The following ZFAND3 variants were observed in gnomAD, a reference collection of about 807,000 sequenced individuals.
The protein encoded by ZFAND3 is zinc finger AN1-type containing 3, also known as AN1-type zinc finger protein 3.
Under a neutral mutation model 29.6 loss-of-function variants are expected in ZFAND3, and 10 were observed. The observed-to-expected ratio is 0.34, with a 90% CI of 0.21 to 0.57. The LOEUF is 0.57. Ranked by LOEUF, ZFAND3 falls within the 20% of genes least tolerant of loss-of-function variation. The pLI, the probability that ZFAND3 is intolerant of heterozygous loss-of-function variation, is 0.86. For missense variants in ZFAND3, 230 were observed against 304.5 expected (o/e 0.76, Z 1.82); for synonymous variants, 128 against 112.6 (o/e 1.14, Z -0.87).
intron 2 of ZFAND3, among the ~76,000 whole-genome samples, chr6:37,998,012 A>G (rs138103750): frequency 1.3e-5 from 2 of 152,356 alleles, no homozygotes; most frequent in East Asian, 3.9e-4. Flanking sequence ...AAAAACCTGC[A>G]TATGAATGTT....
Position 37,835,454 on chromosome 6 carries a change from G to T in ZFAND3, c.71+15438G>T, listed in dbSNP as rs1376343348. Among the ~76,000 whole-genome samples the T allele has an allele frequency of 2.0e-5, 3 of 147,396 alleles. No individual in the cohort carries two copies. The East Asian group carries it at 6.0e-4, about 29-fold the overall frequency. Reference sequence around the variant, plus strand: ...TTACAGGCGTGAGCCACCATGCCTGGCCTGTAAGAGTTTTTTTTTTTTTTT... The same window carrying T: ...TTACAGGCGTGAGCCACCATGCCTGTCCTGTAAGAGTTTTTTTTTTTTTTT... On this transcript the variant is annotated intron_variant, in intron 1 of 5. Coordinates refer to ENST00000287218, the MANE Select transcript of ZFAND3 (RefSeq NM_021943.3).
At chr6:38,109,041 T>G (rs1284933085) in intron 4 of ZFAND3, among the ~76,000 whole-genome samples, 1 of 151,874 alleles carries the variant, frequency 6.6e-6, no homozygotes, top group African/African-American at 2.4e-5. Context: ...GTGTCCTCTC[T>G]CAACACTCGT....
chr6:37,826,668 G>C (rs751390581), intron 1 of ZFAND3, among the ~76,000 whole-genome samples: 1 of 151,674 alleles, frequency 6.6e-6, no homozygotes, highest in Non-Finnish European at 1.5e-5. Flanking sequence ...CAGTAGATTC[G>C]CTTGAATCCA....
At chr6:37,996,022 G>A (rs534739898) in intron 2 of ZFAND3, among the ~76,000 whole-genome samples, 73 of 151,844 alleles carry the variant, frequency 4.8e-4, no homozygotes, top group African/African-American at 1.6e-3. Context: ...CCAGCTACTC[G>A]GGAAGCTCAG....
At chr6:38,100,981 A>G (rs749877389) in intron 4 of ZFAND3, among the ~76,000 whole-genome samples, 2 of 152,204 alleles carry the variant, frequency 1.3e-5, no homozygotes, top group Non-Finnish European at 2.9e-5. Flanking sequence ...TAAAATCGGA[A>G]TTATTTTACA....
Position 37,881,822 on chromosome 6 carries a change from G to C in ZFAND3, c.72-48137G>C, listed in dbSNP as rs536861576. ...GTAGGCAAGAGTAGAGTTGAATGCT[G>C]TTTGTATTTAGAATTTCAACAATTT... is the stretch of plus-strand genomic sequence containing the variant. On this transcript the variant is annotated intron_variant, in intron 1 of 5. Coordinates refer to ENST00000287218, the MANE Select transcript of ZFAND3 (RefSeq NM_021943.3). Among the ~76,000 whole-genome samples the C allele has an allele frequency of 4.6e-5, 7 of 151,908 alleles. 1 individual carries two copies. The East Asian group carries it at 1.4e-3, about 29-fold the overall frequency.
At chr6:37,981,732 T>C (rs949116402) in intron 2 of ZFAND3, among the ~76,000 whole-genome samples, 2 of 152,208 alleles carry the variant, frequency 1.3e-5, no homozygotes, top group Admixed American at 6.5e-5. Flanking sequence ...ACATGAGTTG[T>C]GTAAACCGAA....
At chr6:37,828,462 A>G (rs753134027) in intron 1 of ZFAND3, among the ~76,000 whole-genome samples, 4 of 152,232 alleles carry the variant, frequency 2.6e-5, no homozygotes, top group Non-Finnish European at 5.9e-5. Flanking sequence ...GAAAAGATTT[A>G]CGATGAGACA....
At chr6:37,945,760 T>A (rs1761890088) in intron 2 of ZFAND3, among the ~76,000 whole-genome samples, 1 of 152,238 alleles carries the variant, frequency 6.6e-6, no homozygotes, top group African/African-American at 2.4e-5. Flanking sequence ...AATGAATGTC[T>A]TGTCTAAAAC....
At chr6:37,976,008 T>C (rs924117296) in intron 2 of ZFAND3, among the ~76,000 whole-genome samples, 4 of 152,218 alleles carry the variant, frequency 2.6e-5, no homozygotes, top group Admixed American at 6.5e-5. Context: ...CAATCTATGA[T>C]AGAAGTGATC....
chr6:38,040,360 T>TAAGAA, intron 2 of ZFAND3, among the ~76,000 whole-genome samples: 1 of 152,312 alleles, frequency 6.6e-6, no homozygotes, highest in South Asian at 2.1e-4. Context: ...TGTGACTGGC[T>TAAGAA]TATTTCACTT....
intron 2 of ZFAND3, among the ~76,000 whole-genome samples, chr6:38,017,901 C>T (rs557462974): frequency 6.6e-6 from 1 of 152,040 alleles, no homozygotes; most frequent in Non-Finnish European, 1.5e-5. Context: ...GGTATTGTCC[C>T]CTCCCCCAAG....
Position 38,053,885 on chromosome 6 carries a change from C to G in ZFAND3, c.113-7708C>G, listed in dbSNP as rs148749754. On this transcript the variant is annotated intron_variant, in intron 2 of 5. Transcript: ENST00000287218. ...AGATAATTCCTGGCTTCTGACTATT[C>G]TCTATGTGAATGTTGATATCATCTG... 4.5e-3 allele frequency among the ~76,000 whole-genome samples: 680 copies of G among 151,610 alleles called. 4 individuals carry two copies. Among genetic ancestry groups the G allele is most frequent in the Non-Finnish European group, 6.9e-3 (468 of 67,990 alleles).
At chr6:38,141,818 T>A (rs1377339945) in intron 5 of ZFAND3, among the ~76,000 whole-genome samples, 3 of 152,190 alleles carry the variant, frequency 2.0e-5, no homozygotes, top group Non-Finnish European at 4.4e-5. Context: ...ATGCCAAGCA[T>A]GTCAGCTGCA....
At chr6:37,836,111 A>G (rs548805964) in intron 1 of ZFAND3, among the ~76,000 whole-genome samples, 1 of 152,354 alleles carries the variant, frequency 6.6e-6, no homozygotes, top group East Asian at 1.9e-4. Context: ...GGGAGCAGGT[A>G]GAGTCACATA....
At chr6:38,019,785 G>A (rs767626944) in intron 2 of ZFAND3, among the ~76,000 whole-genome samples, 2 of 152,082 alleles carry the variant, frequency 1.3e-5, no homozygotes, top group African/African-American at 4.8e-5. Flanking sequence ...AGTGTGGCAC[G>A]ATCTCGGCTC....
intron 2 of ZFAND3, among the ~76,000 whole-genome samples, chr6:37,985,499 C>CACACACACA (rs1762651601): frequency 4.0e-4 from 56 of 141,594 alleles, no homozygotes; most frequent in Non-Finnish European, 5.6e-4. Flanking sequence ...GCTTGTGGTT[C>CACACACACA]CACACACACA....
chr6:37,957,175 C>G (rs1174920210), intron 2 of ZFAND3, among the ~76,000 whole-genome samples: 40 of 152,158 alleles, frequency 2.6e-4, no homozygotes, highest in Non-Finnish European at 4.3e-4. Flanking sequence ...AGCAAGTTCC[C>G]CCCCTTTCTT....
Position 38,116,615 on chromosome 6 carries a change from A to G in ZFAND3, c.405A>G (p.Arg135=). The change falls in exon 5 of 6, where the codon CGA becomes CGG. Residue 135 remains arginine, a synonymous_variant. Transcript: ENST00000287218. ...ENEASPVKRP[R]LLENTERSEE... is the part of the protein sequence containing the mutation. ...AGGCTTCACCAGTAAAACGGCCACG[A>G]CTACTTGAGAATACGGAACGGTCCG... The G allele has an allele frequency of 3.1e-6, 5 of 1,613,840 alleles. No individual in the cohort carries two copies. The highest frequency in any genetic ancestry group is 4.2e-6 in the Non-Finnish European group (5 of 1,179,716).
Sources: gnomAD v4.1 joint callset for allele counts (sites outside exome capture counted in the v4.1 genomes callset) on GRCh38, gnomAD v4.1.1 for gene constraint, MANE v1.5 for transcripts, NCBI Gene and HGNC (gene_info 2026-07-23, HGNC 2026-07-21) for gene names.